CES5A: variants seen among roughly 807,000 people sequenced by gnomAD.
CES5A encodes carboxylesterase 5.
Under a neutral mutation model 62.9 loss-of-function variants are expected in CES5A, and 67 were observed. The observed-to-expected ratio is 1.07, with a 90% CI of 0.88 to 1.31. CES5A has a LOEUF of 1.31. CES5A is among the 50% of genes most tolerant of loss of function. The pLI is 0.00. For missense variants in CES5A, 748 were observed against 708.5 expected (o/e 1.06, Z -0.63); for synonymous variants, 296 against 280.8 (o/e 1.05, Z -0.54).
intron 1 of CES5A, among the ~76,000 whole-genome samples, chr16:55,905,579 C>T (rs1351502580): frequency 6.6e-6 from 1 of 152,018 alleles, no homozygotes; most frequent in Non-Finnish European, 1.5e-5. Flanking sequence ...GTTGGTCAGG[C>T]TCGAACTCCT....
At position 55,884,738 on chromosome 16, in the gene CES5A, T is replaced by C. The variant is rs145751547; in HGVS notation, c.-255-10701A>G. ...TCCCAAGTAGCTTTGACTACAGGCA[T>C]GTGCTACCATGCCTGGCTAATTTTT... On this transcript the variant is annotated intron_variant, in intron 1 of 12. Coordinates refer to the CES5A transcript ENST00000518005. Among the ~76,000 whole-genome samples the C allele has an allele frequency of 1.1e-3, 166 of 152,272 alleles. 1 individual carries two copies. The East Asian group carries it at 0.016, about 15-fold the overall frequency.
At chr16:55,932,480 C>T (rs964979381) in intron 2 of CES5A, among the ~76,000 whole-genome samples, 2 of 139,310 alleles carry the variant, frequency 1.4e-5, no homozygotes, top group African/African-American at 2.7e-5. Context: ...TAGTTAGTTG[C>T]TTACTTCATT....
At chr16:55,875,644 G>A (rs12918059), upstream of CES5A, among the ~76,000 whole-genome samples, 26,688 of 152,162 alleles carry the variant, frequency 0.18, 2,517 homozygotes, top group East Asian at 0.28. Context: ...GAGGAAGAAG[G>A]TTGCTGCTGG....
chr16:55,942,212 C>A (rs2034452755), intron 2 of CES5A, among the ~76,000 whole-genome samples: 1 of 152,092 alleles, frequency 6.6e-6, no homozygotes, highest in Admixed American at 6.5e-5. Context: ...ATAATGAAAA[C>A]AATAGGTAAC....
chr16:55,878,849 T>A (rs2033728542), upstream of CES5A, among the ~76,000 whole-genome samples: 1 of 131,230 alleles, frequency 7.6e-6, no homozygotes, highest in South Asian at 2.7e-4. Context: ...CCCCCACCAC[T>A]ACCTCCATCA....
chr16:55,916,228 T>C (rs546501688), intron 1 of CES5A, among the ~76,000 whole-genome samples: 5 of 152,288 alleles, frequency 3.3e-5, no homozygotes, highest in African/African-American at 9.6e-5. Flanking sequence ...AAGGTAGCGA[T>C]GTTATCTGCA....
intron 1 of CES5A, among the ~76,000 whole-genome samples, chr16:55,903,684 T>G (rs1432207465): frequency 6.6e-6 from 1 of 152,212 alleles, no homozygotes; most frequent in African/African-American, 2.4e-5. Flanking sequence ...AGCAGTGTTA[T>G]CAGGTGGGCT....
intron 1 of CES5A, among the ~76,000 whole-genome samples, chr16:55,923,921 T>C (rs2034233913): frequency 6.6e-6 from 1 of 151,868 alleles, no homozygotes; most frequent in African/African-American, 2.4e-5. Context: ...ATGCTCAAAA[T>C]AATACATGCC....
At chr16:55,950,927 C>T (rs191941188) in intron 1 of CES5A, among the ~76,000 whole-genome samples, 1 of 151,374 alleles carries the variant, frequency 6.6e-6, no homozygotes, top group African/African-American at 2.4e-5. Context: ...ACGGTAAAAC[C>T]CCATCTCTAC....
upstream of CES5A, among the ~76,000 whole-genome samples, chr16:55,929,293 G>A (rs540619037): frequency 8.5e-5 from 13 of 152,344 alleles, no homozygotes; most frequent in South Asian, 1.9e-3. Flanking sequence ...GGAGGTGGGC[G>A]CTTGGCTCGC....
At position 55,938,943 on chromosome 16, in the gene CES5A, T is replaced by A. The variant is rs185078062; in HGVS notation, c.160+10842A>T. ...AAGTGGGGTGGGGGGTTGTTGTTAA[T>A]TTGTTTTGTTTTGTGTTGTTCATGT... On this transcript the variant is annotated intron_variant, in intron 2 of 13. Transcript: ENST00000521992. Among the ~76,000 whole-genome samples the A allele has an allele frequency of 9.7e-4, 147 of 151,036 alleles. 1 individual carries two copies. Among genetic ancestry groups the A allele is most frequent in the Admixed American group, 1.6e-3 (25 of 15,170 alleles).
chr16:55,913,744 T>C (rs576390852), intron 1 of CES5A, among the ~76,000 whole-genome samples: 17 of 152,350 alleles, frequency 1.1e-4, no homozygotes, highest in Admixed American at 1.0e-3. Context: ...TTAATCACCA[T>C]CATCTGCAGC....
In CES5A at chr16:55,865,952, A is replaced by G. The variant is rs1222046496; in HGVS notation, c.705+11T>C. 2 of 1,614,052 alleles carry G rather than the reference A, an allele frequency of 1.2e-6. No individual in the cohort carries two copies. The highest frequency in any genetic ancestry group is 1.7e-6 in the Non-Finnish European group (2 of 1,180,000). Reference sequence around the variant, plus strand: ...CTGAGATTCATTCAAACCACAAAGCAGAGAACTCACAAGACTAGAAACACT... The same window carrying G: ...CTGAGATTCATTCAAACCACAAAGCGGAGAACTCACAAGACTAGAAACACT... On this transcript the variant is annotated intron_variant, in intron 5 of 12. Transcript: ENST00000290567.
At chr16:55,874,893 A>G (rs2033665856) in intron 1 of CES5A, among the ~76,000 whole-genome samples, 1 of 152,198 alleles carries the variant, frequency 6.6e-6, no homozygotes, top group South Asian at 2.1e-4. Flanking sequence ...AGTGCTCAGG[A>G]TGGAGCCCCT....
chr16:55,946,856 A>G (rs2034500573), intron 2 of CES5A, among the ~76,000 whole-genome samples: 1 of 152,226 alleles, frequency 6.6e-6, no homozygotes, highest in Admixed American at 6.5e-5. Flanking sequence ...TTCTTGGACC[A>G]CCAGGTTAGC....
At chr16:55,929,802 T>G (rs774831481), upstream of CES5A, among the ~76,000 whole-genome samples, 2 of 152,196 alleles carry the variant, frequency 1.3e-5, no homozygotes, top group African/African-American at 4.8e-5. Context: ...CGATGGAATG[T>G]TTTTTGCATT....
chr16:55,946,997 C>A (rs926861809), intron 2 of CES5A, among the ~76,000 whole-genome samples: 2 of 152,314 alleles, frequency 1.3e-5, no homozygotes, highest in Admixed American at 1.3e-4. Context: ...CAATGACATA[C>A]AATCTGCCCA....
upstream of CES5A, among the ~76,000 whole-genome samples, chr16:55,926,229 C>T (rs537589883): frequency 2.6e-4 from 39 of 152,010 alleles, no homozygotes; most frequent in Non-Finnish European, 4.4e-4. Flanking sequence ...GCACAAGTAC[C>T]CCAAAACTAT....
intron 10 of CES5A, among the ~76,000 whole-genome samples, chr16:55,850,319 G>A (rs1280763585): frequency 8.5e-5 from 13 of 152,092 alleles, no homozygotes; most frequent in African/African-American, 3.1e-4. Flanking sequence ...CCACTATTTA[G>A]GTCCAGAACC....
Sources: allele counts gnomAD v4.1 joint callset (sites outside exome capture counted in the v4.1 genomes callset), GRCh38; gene constraint gnomAD v4.1.1; transcripts MANE v1.5; gene names NCBI Gene and HGNC (gene_info 2026-07-23, HGNC 2026-07-21).